The following BCAR1 variants were observed in gnomAD, a reference collection of about 807,000 sequenced individuals.
BCAR1 encodes breast cancer anti-estrogen resistance protein 1.
A neutral mutation model predicts 67.6 loss-of-function variants in BCAR1; 30 were observed. That is an observed-to-expected ratio of 0.44 (90% CI 0.33 to 0.60). The LOEUF is 0.60. BCAR1 is among the 20% of genes least tolerant of loss of function. BCAR1 has a pLI of 0.02. For missense variants in BCAR1, 1,313 were observed against 1,222.3 expected (o/e 1.07, Z -1.11); for synonymous variants, 626 against 556.7 (o/e 1.12, Z -1.75).
Position 75,240,829 on chromosome 16 carries a change from G to A in BCAR1, c.633+1641C>T, listed in dbSNP as rs1597215953. Among the ~76,000 whole-genome samples, 3 of 152,252 alleles carry A rather than the reference G, an allele frequency of 2.0e-5. No individual in the cohort carries two copies. The South Asian group carries it at 6.2e-4, about 32-fold the overall frequency. On this transcript the variant is annotated intron_variant, in intron 2 of 6. Coordinates refer to ENST00000162330, the MANE Select transcript of BCAR1 (RefSeq NM_014567.5). The stretch of plus-strand genomic sequence containing the variant: ...GCAGCTCTACCAGTGGGCATGGGCA[G>A]AGAAGGACCCAGCTGGCTGAGCCCC...
intron 6 of BCAR1, among the ~76,000 whole-genome samples, chr16:75,232,194 CCT>C (rs553305563): frequency 1.0e-3 from 151 of 151,218 alleles, no homozygotes; most frequent in African/African-American, 3.3e-3. Flanking sequence ...GGAATCTCAC[CCT>C]GTCGCCCAGG....
intron 1 of BCAR1, chr16:75,266,385 C>G: frequency 5.2e-6 from 1 of 193,408 alleles, no homozygotes; most frequent in East Asian, 1.2e-4. Flanking sequence ...ACCCCGGAAA[C>G]AGTCTAGCTC....
At chr16:75,243,408 C>G in intron 1 of BCAR1, 1 of 609,704 alleles carries the variant, frequency 1.6e-6, no homozygotes, top group Non-Finnish European at 3.1e-6. Context: ...ACTCTGCTAC[C>G]TGGACCAACA....
Position 75,237,004 on chromosome 16 carries a change from G to A in BCAR1, c.796-6C>T. ...ATGGGGGGTGTGTCATACACCTGGGGCAGAAACAGTGCAGGGTTAACGGCG... is the reference window on the plus strand; with the variant it reads ...ATGGGGGGTGTGTCATACACCTGGGACAGAAACAGTGCAGGGTTAACGGCG... On this transcript the variant is annotated splice_region_variant and splice_polypyrimidine_tract_variant and intron_variant, in intron 3 of 6. Coordinates refer to ENST00000162330, the MANE Select transcript of BCAR1 (RefSeq NM_014567.5). 1.9e-6 allele frequency: 3 copies of A among 1,593,456 alleles called. No homozygotes were observed. The highest frequency in any genetic ancestry group is 2.6e-6 in the Non-Finnish European group (3 of 1,168,420).
Position 75,235,558 on chromosome 16 carries a change from T to C in BCAR1, c.1341A>G (p.Ala447=), listed in dbSNP as rs1408002729. Residue 447 remains alanine (A), a synonymous_variant, in exon 5 of 7, where the codon GCA becomes GCG. Coordinates refer to ENST00000162330, the MANE Select transcript of BCAR1 (RefSeq NM_014567.5). ...GCTCCAGGGGTTCCCGGCCCGGCCC[T>C]GCCACCTCCAAGGAGGACGCAGACT... ...SSQSASSLEV[A]GPGREPLELE... The C allele has an allele frequency of 1.3e-6, 2 of 1,595,612 alleles. No homozygotes were observed. Among genetic ancestry groups the C allele is most frequent in the Non-Finnish European group, 1.7e-6 (2 of 1,171,784 alleles).
Position 75,264,706 on chromosome 16 carries a change from A to G in BCAR1, c.66+3209T>C, listed in dbSNP as rs564654127. The G allele has an allele frequency of 3.3e-6, 4 of 1,197,220 alleles. No homozygotes were observed. The South Asian group carries it at 1.2e-4, about 37-fold the overall frequency. 74.2% of individuals were successfully genotyped at this position (1,197,220 alleles called of 1,614,324 possible). A position where few individuals can be genotyped will look rare whatever the true frequency, so the allele number is the denominator to read the frequency against. ...AGCTTCCCTCTGGTCATCTGCACTC[A>G]CTCTGGGATAGTTAATGAAGAGGCC... On this transcript the variant is annotated intron_variant, in intron 1 of 6. Coordinates refer to the BCAR1 transcript ENST00000393422.
rs756426743 is a variant in BCAR1, at chr16:75,235,412, G to A, written c.1487C>T (p.Pro496Leu). ...CAGGTCCTGCACCAGCGGCTCCTGT[G>A]GCTCAGAGGGGCTACGCCAGCTCCC... The part of the protein sequence containing the change: ...ATGSWRSPSE[P>L]QEPLVQDLQA... The change falls in exon 5 of 7, where the codon CCA becomes CTA. Residue 496 changes from proline to leucine, a missense_variant. By Grantham distance (98) the Pro-to-Leu change is moderately conservative (BLOSUM62 -3). Coordinates refer to ENST00000162330, the MANE Select transcript of BCAR1 (RefSeq NM_014567.5). The A allele has an allele frequency of 1.9e-6, 3 of 1,607,780 alleles. No homozygotes were observed. Among genetic ancestry groups the A allele is most frequent in the Admixed American group, 1.7e-5 (1 of 59,944 alleles).
chr16:75,264,047 T>G (rs749735308), intron 1 of BCAR1: 281 of 1,232,282 alleles, frequency 2.3e-4, no homozygotes, highest in Admixed American at 2.8e-4. Context: ...AGGGAGAGGG[T>G]AGGAGATGAC....
At chr16:75,265,916 C>T (rs1427585740) in intron 1 of BCAR1, 2 of 1,110,258 alleles carry the variant, frequency 1.8e-6, no homozygotes, top group Non-Finnish European at 2.2e-6. Context: ...CGCTCAGAGG[C>T]CCCGCGAGGG....
upstream of BCAR1, among the ~76,000 whole-genome samples, chr16:75,253,890 G>A (rs1009620470): frequency 3.3e-5 from 5 of 152,096 alleles, no homozygotes; most frequent in African/African-American, 1.2e-4. Flanking sequence ...TCTGCGCCCA[G>A]CCAGTGCCAG....
intron 1 of BCAR1, chr16:75,264,336 A>G (rs1314218100): frequency 4.7e-6 from 7 of 1,504,726 alleles, no homozygotes; most frequent in Non-Finnish European, 6.2e-6. Context: ...CCTAATCACT[A>G]CTGCCCTGGG....
At position 75,230,510 on chromosome 16, in the gene BCAR1, T is replaced by C. The variant is rs369881191; in HGVS notation, c.2101-487A>G. Among the ~76,000 whole-genome samples, 3 of 152,300 alleles carry C rather than the reference T, an allele frequency of 2.0e-5. No individual in the cohort carries two copies. In the South Asian group the frequency reaches 6.2e-4, roughly 32 times the overall value. On this transcript the variant is annotated intron_variant, in intron 6 of 6. Coordinates refer to ENST00000162330, the MANE Select transcript of BCAR1 (RefSeq NM_014567.5). ...CATACACATTATAAAAAGATTCAAA[T>C]ATATCAAACAGAAAAAACGAAGATG...
chr16:75,267,567 T>A (rs2078026764), intron 1 of BCAR1, among the ~76,000 whole-genome samples: 1 of 151,908 alleles, frequency 6.6e-6, no homozygotes, highest in African/African-American at 2.4e-5. Context: ...CCACACGCCC[T>A]GCTGTCTCTG....
chr16:75,253,347 C>T (rs901331428), upstream of BCAR1, among the ~76,000 whole-genome samples: 1 of 152,220 alleles, frequency 6.6e-6, no homozygotes, highest in Middle Eastern at 3.2e-3. Flanking sequence ...GGAGACCAGG[C>T]CTCATGGGCA....
In BCAR1 at chr16:75,235,834, G is replaced by A. The variant is rs1333637879; in HGVS notation, c.1065C>T (p.Ser355=). ...CGTCATACACGTCCTCGGCCGGCGG[G>A]GAGTCTGGAGGGGGCGCAGCCAGTA... ...PLVLAAPPPD[S]PPAEDVYDVP... is the part of the protein sequence containing the mutation. The change falls in exon 5 of 7, where the codon TCC becomes TCT. Residue 355 remains serine, a synonymous_variant. Coordinates refer to ENST00000162330, the MANE Select transcript of BCAR1 (RefSeq NM_014567.5). The A allele has an allele frequency of 6.4e-7, 1 of 1,574,484 alleles. No homozygotes were observed. Among genetic ancestry groups the A allele is most frequent in the Non-Finnish European group, 8.6e-7 (1 of 1,161,588 alleles).
Position 75,235,212 on chromosome 16 carries a change from C to G in BCAR1, c.1687G>C (p.Asp563His), listed in dbSNP as rs199985718. Residue 563 changes from aspartate to histidine, a missense_variant, in exon 5 of 7, where the codon GAC (aspartate) becomes CAC (histidine). By Grantham distance (81) the Asp-to-His change is moderately conservative. This residue lies in a region of BCAR1 where 1,272 missense variants were observed against 1,137.5 expected (regional missense o/e 1.12). Coordinates refer to ENST00000162330, the MANE Select transcript of BCAR1 (RefSeq NM_014567.5). The part of the protein sequence containing the change: ...QTLVAHGQAL[D>H]AGRGGSGATL... The stretch of plus-strand genomic sequence containing the variant: ...GCTCCAGAGCCTCCCCGGCCAGCGT[C>G]GAGGGCCTGACCATGTGCCACCAGC... 23 of 1,608,218 alleles carry G rather than the reference C, an allele frequency of 1.4e-5. No individual in the cohort carries two copies. Among genetic ancestry groups the G allele is most frequent in the Non-Finnish European group, 1.9e-5 (22 of 1,177,998 alleles).
intron 1 of BCAR1, chr16:75,266,568 G>T: frequency 2.0e-6 from 1 of 492,718 alleles, no homozygotes; most frequent in Non-Finnish European, 3.2e-6. Flanking sequence ...CCCAATTTCA[G>T]CTGTTTCGCA....
chr16:75,242,083 C>A (rs766656693), intron 2 of BCAR1, among the ~76,000 whole-genome samples: 1 of 152,226 alleles, frequency 6.6e-6, no homozygotes, highest in Non-Finnish European at 1.5e-5. Context: ...TAGAGGCTGA[C>A]ACGTAAACCC....
Position 75,242,756 on chromosome 16 carries a change from A to G in BCAR1, c.347T>C (p.Leu116Pro). The change falls in exon 2 of 7, where the codon CTG (leucine) becomes CCG (proline). Residue 116 changes from leucine to proline, a missense_variant. Leu to Pro is a moderately conservative substitution (Grantham distance 98). Around this residue, in one of 2 missense-constraint regions of BCAR1, gnomAD observed 1,272 missense variants for 1,137.5 expected, o/e 1.12. Coordinates refer to ENST00000162330, the MANE Select transcript of BCAR1 (RefSeq NM_014567.5). ...CTGAGCCTTGCTGGGAGTGGGCACCAGGTAGACGCTGTCTGGCTGGGGCTG... is the reference window on the plus strand; with the variant it reads ...CTGAGCCTTGCTGGGAGTGGGCACCGGGTAGACGCTGTCTGGCTGGGGCTG... ...TYQPQPDSVY[L>P]VPTPSKAQQG... The G allele has an allele frequency of 1.3e-6, 2 of 1,592,426 alleles. No individual in the cohort carries two copies. The highest frequency in any genetic ancestry group is 2.2e-5 in the East Asian group (1 of 44,596).
Sources: gnomAD v4.1 joint callset for allele counts (sites outside exome capture counted in the v4.1 genomes callset) on GRCh38, gnomAD v4.1.1 for gene constraint, gnomAD v4.1.1 regional missense constraint, MANE v1.5 for transcripts, NCBI Gene and HGNC (gene_info 2026-07-23, HGNC 2026-07-21) for gene names.